Variants in KAT7 observed in about 807,000 individuals in gnomAD.
KAT7 encodes the protein lysine acetyltransferase 7, also known as histone acetyltransferase KAT7.
A neutral mutation model predicts 82.1 loss-of-function variants in KAT7; 10 were observed. The observed-to-expected ratio is 0.12, with a 90% CI of 0.08 to 0.21. The LOEUF (loss-of-function observed/expected upper bound fraction) is 0.21. Among genes scored for constraint, KAT7 ranks in the 10% least tolerant of loss-of-function variants. The pLI, the probability that KAT7 is intolerant of heterozygous loss-of-function variation, is 1.00. For synonymous variants in KAT7, 250 were observed against 262.5 expected (o/e 0.95, Z 0.46); for missense variants, 378 against 760.9 (o/e 0.50, Z 5.92).
chr17:49,791,644 G>A (rs2073891228), intron 1 of KAT7, among the ~76,000 whole-genome samples: 1 of 152,222 alleles, frequency 6.6e-6, no homozygotes, highest in Admixed American at 6.5e-5. Context: ...GGCAATGAGA[G>A]CGAATGAAAC....
In KAT7 at chr17:49,815,873, A is replaced by C; in HGVS notation, c.923A>C (p.Asp308Ala). The change falls in exon 8 of 15, where the codon GAT becomes GCT. Residue 308 changes from aspartate to alanine, a missense_variant. Around this residue, in one of 6 missense-constraint regions of KAT7, gnomAD observed 102 missense variants for 129.8 expected, o/e 0.79. Coordinates refer to ENST00000259021, the MANE Select transcript of KAT7 (RefSeq NM_007067.5). Reference sequence around the variant, plus strand: ...AACCTGACAAGCGAGTATGACTTGGATCTTTTCCGAAGAGCACAAGCCCGG... The same window carrying C: ...AACCTGACAAGCGAGTATGACTTGGCTCTTTTCCGAAGAGCACAAGCCCGG... ...LENLTSEYDLDLFRRAQARAS... is the reference protein window; with the variant it reads ...LENLTSEYDLALFRRAQARAS... The C allele has an allele frequency of 6.2e-7, 1 of 1,613,892 alleles. No homozygotes were observed. The highest frequency in any genetic ancestry group is 8.5e-7 in the Non-Finnish European group (1 of 1,179,842).
chr17:49,808,617 A>AT (rs1323541968), intron 5 of KAT7, among the ~76,000 whole-genome samples: 1 of 149,808 alleles, frequency 6.7e-6, no homozygotes, highest in African/African-American at 2.5e-5. Flanking sequence ...TGCCTGGCTA[A>AT]TTTTTTGTAT....
intron 2 of KAT7, among the ~76,000 whole-genome samples, chr17:49,795,827 A>G (rs1359220657): frequency 2.0e-5 from 3 of 152,170 alleles, no homozygotes; most frequent in Non-Finnish European, 2.9e-5. Flanking sequence ...AATAGTTGCA[A>G]TGTTTATAGG....
At chr17:49,811,823 T>TG (rs2143929121) in intron 7 of KAT7, among the ~76,000 whole-genome samples, 1 of 152,350 alleles carries the variant, frequency 6.6e-6, no homozygotes, top group East Asian at 1.9e-4. Context: ...ATCCTCTAGT[T>TG]GTTCATAAAT....
At chr17:49,823,122 T>C in intron 11 of KAT7, 80 bp from the exon 12 acceptor site, 1 of 809,618 alleles carries the variant, frequency 1.2e-6, no homozygotes, top group Non-Finnish European at 2.1e-6. Flanking sequence ...GCAAGCAGCC[T>C]TATTTTGCAT....
At chr17:49,796,185 C>T (rs1203374652) in intron 2 of KAT7, among the ~76,000 whole-genome samples, 2 of 151,760 alleles carry the variant, frequency 1.3e-5, no homozygotes, top group East Asian at 1.9e-4. Flanking sequence ...TATGACAGTG[C>T]CAGAGAGGGT....
At chr17:49,822,224 A>C (rs1338805979) in intron 11 of KAT7, among the ~76,000 whole-genome samples, 7 of 150,668 alleles carry the variant, frequency 4.6e-5, no homozygotes, top group Admixed American at 4.0e-4. Flanking sequence ...TAAAGACCCA[A>C]GGCCAGATTT....
rs1292878878 is a variant in KAT7, at chr17:49,834,935, T to G, written c.*7433T>G. On this transcript the variant is annotated 3_prime_UTR_variant, in exon 15 of 15. Transcript: ENST00000259021. The stretch of plus-strand genomic sequence containing the variant: ...AGGAGGATCACCTGAGCCCAGGAAG[T>G]CAAGGCTGTGGTCAGCTGAGATCCC... The G allele has an allele frequency of 2.0e-5, 3 of 152,238 alleles. No individual in the cohort carries two copies. The highest frequency in any genetic ancestry group is 7.2e-5 in the African/African-American group (3 of 41,400). 9.4% of individuals were successfully genotyped at this position (152,238 alleles called of 1,614,324 possible).
chr17:49,797,086 C>T lies in KAT7; in HGVS notation c.340+160C>T, dbSNP rs181443956. 1.2e-4 allele frequency among the ~76,000 whole-genome samples: 17 copies of T among 147,618 alleles called. No homozygotes were observed. In the East Asian group the frequency reaches 3.4e-3, roughly 29 times the overall value. ...TATGTCTTTTTTTTTTTTTTTGAGACGGAGTCTCGCTCTATTGCCCAGGCT... is the reference window on the plus strand; with the variant it reads ...TATGTCTTTTTTTTTTTTTTTGAGATGGAGTCTCGCTCTATTGCCCAGGCT... On this transcript the variant is annotated intron_variant, in intron 3 of 14. Transcript: ENST00000259021.
intron 6 of KAT7, 143 bp downstream of exon 6, chr17:49,809,351 C>G: frequency 1.6e-6 from 1 of 637,264 alleles, no homozygotes; most frequent in Non-Finnish European, 2.8e-6. Flanking sequence ...GTTTGTTTTT[C>G]AAACAGTAAA....
Position 49,799,939 on chromosome 17 carries a change from G to A in KAT7, c.580+1381G>A, listed in dbSNP as rs144035652. Among the ~76,000 whole-genome samples the A allele has an allele frequency of 1.4e-3, 210 of 151,840 alleles. 1 individual carries two copies. Among genetic ancestry groups the A allele is most frequent in the African/African-American group, 4.9e-3 (204 of 41,430 alleles). ...CCCCACTCAGCCTGCTGAGTAGCTG[G>A]GACTACAAGCGTGAGCCACCATGCC... On this transcript the variant is annotated intron_variant, in intron 4 of 14. Coordinates refer to ENST00000259021, the MANE Select transcript of KAT7 (RefSeq NM_007067.5).
rs1397549371 is a variant in KAT7, at chr17:49,827,628, T to C, written c.*126T>C. On this transcript the variant is annotated 3_prime_UTR_variant, in exon 15 of 15. Transcript: ENST00000259021. ...GTATCCTTTGGGAAGGCCATCCCCC[T>C]CAGGACTGTCCTGGCTCCGACCTTT... 1 of 667,378 alleles carries C rather than the reference T, an allele frequency of 1.5e-6. No homozygotes were observed. Among genetic ancestry groups the C allele is most frequent in the Non-Finnish European group, 2.7e-6 (1 of 368,812 alleles). The allele number at this position is 667,378 out of a possible 1,614,324, so 41.3% of individuals were successfully genotyped here.
chr17:49,796,754 C>A lies in KAT7; in HGVS notation c.168C>A (p.Ser56=). The change falls in exon 3 of 15, where the codon TCC becomes TCA. Residue 56 remains serine (S), a synonymous_variant. Coordinates refer to ENST00000259021, the MANE Select transcript of KAT7 (RefSeq NM_007067.5). ...TTCTTTTAAAATTGGGATCAGATTCCAGTCCTGTTCGAAATCTGCAGTCTT... is the reference window on the plus strand; with the variant it reads ...TTCTTTTAAAATTGGGATCAGATTCAAGTCCTGTTCGAAATCTGCAGTCTT... The part of the protein sequence containing the change: ...SARLSQSSQD[S]SPVRNLQSFG... 1 of 1,601,094 alleles carries A rather than the reference C, an allele frequency of 6.2e-7. No individual in the cohort carries two copies. The highest frequency in any genetic ancestry group is 8.5e-7 in the Non-Finnish European group (1 of 1,172,314).
intron 14 of KAT7, 100 bp downstream of exon 14, chr17:49,826,899 G>A (rs2074375219): frequency 1.4e-6 from 1 of 728,212 alleles, no homozygotes; most frequent in African/African-American, 1.8e-5. Context: ...CCTTAAAGGA[G>A]TTGGGCTACA....
At chr17:49,799,171 T>C (rs1172101000) in intron 4 of KAT7, among the ~76,000 whole-genome samples, 1 of 152,228 alleles carries the variant, frequency 6.6e-6, no homozygotes, top group Non-Finnish European at 1.5e-5. Context: ...TTGAACCTTA[T>C]TTGTGCACCT....
At position 49,796,853 on chromosome 17, in the gene KAT7, G is replaced by T; in HGVS notation, c.267G>T (p.Pro89=). The T allele has an allele frequency of 6.2e-7, 1 of 1,614,064 alleles. No individual in the cohort carries two copies. Among genetic ancestry groups the T allele is most frequent in the Non-Finnish European group, 8.5e-7 (1 of 1,179,998 alleles). Residue 89 remains proline, a synonymous_variant, in exon 3 of 15, where the codon CCG becomes CCT. Coordinates refer to ENST00000259021, the MANE Select transcript of KAT7 (RefSeq NM_007067.5). ...AGCAGCAGCCTACCCCAGTGACACC[G>T]AAAAAATACCCTCTTCGGCAGACTC... ...RSQQQPTPVT[P]KKYPLRQTRS...
At chr17:49,807,328 G>T (rs2074103869) in intron 5 of KAT7, among the ~76,000 whole-genome samples, 1 of 152,202 alleles carries the variant, frequency 6.6e-6, no homozygotes, top group Non-Finnish European at 1.5e-5. Context: ...AGACATTCCT[G>T]AGGAGATGGC....
chr17:49,794,330 G>A (rs879863078), intron 2 of KAT7, among the ~76,000 whole-genome samples: 15 of 152,120 alleles, frequency 9.9e-5, no homozygotes, highest in Non-Finnish European at 1.8e-4. Context: ...CTGTCGCCCA[G>A]GCTGGAGTGC....
chr17:49,819,342 G>A (rs2074274082), intron 9 of KAT7, among the ~76,000 whole-genome samples: 3 of 152,248 alleles, frequency 2.0e-5, no homozygotes, highest in East Asian at 1.9e-4. Flanking sequence ...GGTGATTGGC[G>A]GCGATTGGTA....
Sources: gnomAD v4.1 joint callset for allele counts (sites outside exome capture counted in the v4.1 genomes callset) on GRCh38, gnomAD v4.1.1 for gene constraint, gnomAD v4.1.1 regional missense constraint, MANE v1.5 for transcripts, NCBI Gene and HGNC (gene_info 2026-07-23, HGNC 2026-07-21) for gene names.